Variants in DIP2C observed in about 807,000 individuals in gnomAD.
DIP2C encodes disco-interacting protein 2 homolog C.
DIP2C carries 33 observed loss-of-function variants against 192.4 expected under a neutral mutation model. The ratio of observed to expected loss-of-function variants is 0.17; its 90% confidence interval spans 0.13 to 0.23. DIP2C has a LOEUF of 0.23. Ranked by LOEUF, DIP2C falls within the 10% of genes least tolerant of loss-of-function variation. The pLI is 1.00. For synonymous variants in DIP2C, 979 were observed against 864.1 expected, an observed-to-expected ratio of 1.13 and a Z score of -2.33; for missense variants, 1,537 against 2,110.1, an observed-to-expected ratio of 0.73 and a Z score of 5.32.
At chr10:416,179 T>C (rs1965623584) in intron 6 of DIP2C, among the ~76,000 whole-genome samples, 1 of 152,052 alleles carries the variant, frequency 6.6e-6, no homozygotes, top group African/African-American at 2.4e-5. Flanking sequence ...CCAGCTCTGA[T>C]TCTCAGGACA....
intron 18 of DIP2C, 43 bp from the exon 19 acceptor site, chr10:366,454 G>A (rs749875998): frequency 2.5e-6 from 4 of 1,612,642 alleles, no homozygotes; most frequent in East Asian, 2.2e-5. Context: ...AGAGGGGGCA[G>A]GTGGGGAGAA....
At chr10:583,181 AAG>A (rs1850774254) in intron 1 of DIP2C, among the ~76,000 whole-genome samples, 1 of 152,344 alleles carries the variant, frequency 6.6e-6, no homozygotes, top group East Asian at 1.9e-4. Context: ...TCATAGGAAA[AAG>A]AACGTTGTAC....
intron 1 of DIP2C, among the ~76,000 whole-genome samples, chr10:594,393 C>T (rs1851576028): frequency 6.6e-6 from 1 of 151,964 alleles, no homozygotes; most frequent in Non-Finnish European, 1.5e-5. Flanking sequence ...TGGCCAAGTA[C>T]AAACCATTTC....
At chr10:378,497 A>G (rs530431345) in intron 17 of DIP2C, among the ~76,000 whole-genome samples, 23 of 152,080 alleles carry the variant, frequency 1.5e-4, no homozygotes, top group Non-Finnish European at 2.9e-4. Context: ...GTGAACACAG[A>G]CATGCATAAA....
At position 390,054 on chromosome 10, in the gene DIP2C, C is replaced by G. The variant is rs1564650428; in HGVS notation, c.1534G>C (p.Val512Leu). ...CKDGSVLGVTVTRTALLTHCQ... is the reference protein window; with the variant it reads ...CKDGSVLGVTLTRTALLTHCQ... The stretch of plus-strand genomic sequence containing the variant: ...TGTGTCAGCAGCGCAGTCCTCGTCA[C>G]CGTCACACCCAGCACACTGCCATCC... The change falls in exon 13 of 37, where the codon GTG becomes CTG. Residue 512 changes from valine (V) to leucine (L), a missense_variant. Transcript: ENST00000280886. 1.2e-6 allele frequency: 2 copies of G among 1,614,178 alleles called. No individual in the cohort carries two copies. The highest frequency in any genetic ancestry group is 1.1e-5 in the South Asian group (1 of 91,074).
intron 1 of DIP2C, among the ~76,000 whole-genome samples, chr10:493,629 T>C (rs1003955374): frequency 4.6e-5 from 7 of 152,132 alleles, no homozygotes; most frequent in Admixed American, 2.6e-4. Context: ...CGCTCCACCC[T>C]CCGCTTCCCG....
intron 32 of DIP2C, among the ~76,000 whole-genome samples, chr10:299,340 G>T (rs1322955420): frequency 6.6e-6 from 1 of 152,082 alleles, no homozygotes; most frequent in Non-Finnish European, 1.5e-5. Flanking sequence ...CTACAGCTCC[G>T]CCTTGAGTGC....
intron 1 of DIP2C, among the ~76,000 whole-genome samples, chr10:589,023 G>C (rs11253268): frequency 6.6e-6 from 1 of 152,104 alleles, no homozygotes; most frequent in African/African-American, 2.4e-5. Context: ...TCCATCAGCC[G>C]CTCCAGCAGG....
intron 1 of DIP2C, among the ~76,000 whole-genome samples, chr10:617,415 G>A (rs192305286): frequency 3.9e-5 from 6 of 152,300 alleles, no homozygotes; most frequent in Admixed American, 3.9e-4. Flanking sequence ...GGGTGGCTGT[G>A]GAGACTGAGA....
chr10:592,742 C>T (rs1450960542), intron 1 of DIP2C, among the ~76,000 whole-genome samples: 1 of 152,066 alleles, frequency 6.6e-6, no homozygotes, highest in South Asian at 2.1e-4. Context: ...TGAAATTTTT[C>T]CCAACTGTTC....
chr10:341,634 C>A (rs1167468189), intron 28 of DIP2C, among the ~76,000 whole-genome samples: 2 of 152,214 alleles, frequency 1.3e-5, no homozygotes, highest in Non-Finnish European at 2.9e-5. Flanking sequence ...GGACTTCATA[C>A]CCAAGGATAC....
chr10:537,142 G>A (rs1170416388), intron 1 of DIP2C, among the ~76,000 whole-genome samples: 3 of 152,140 alleles, frequency 2.0e-5, no homozygotes, highest in Admixed American at 2.0e-4. Flanking sequence ...GAGTGAGTTT[G>A]ACAACCTGAC....
intron 22 of DIP2C, 93 bp from the exon 23 acceptor site, chr10:358,030 A>C: frequency 1.2e-6 from 1 of 860,034 alleles, no homozygotes; most frequent in Non-Finnish European, 1.8e-6. Flanking sequence ...ACTCTCGGAA[A>C]ACTTCTGGAA....
At chr10:421,977 T>C (rs2133160639) in intron 5 of DIP2C, among the ~76,000 whole-genome samples, 2 of 152,310 alleles carry the variant, frequency 1.3e-5, no homozygotes, top group South Asian at 4.1e-4. Context: ...GTGAACATTC[T>C]GGGGTTCTGG....
intron 1 of DIP2C, among the ~76,000 whole-genome samples, chr10:495,401 C>T (rs546684122): frequency 1.0e-3 from 156 of 152,258 alleles, no homozygotes; most frequent in Non-Finnish European, 1.9e-3. Flanking sequence ...CTTCTGTATT[C>T]TCACCACACA....
intron 9 of DIP2C, among the ~76,000 whole-genome samples, chr10:406,714 G>C (rs977513676): frequency 3.9e-5 from 6 of 152,046 alleles, no homozygotes; most frequent in Non-Finnish European, 8.8e-5. Flanking sequence ...TAACAAATTA[G>C]CTACAAGATT....
intron 1 of DIP2C, among the ~76,000 whole-genome samples, chr10:686,718 G>C (rs1831352400): frequency 6.6e-6 from 1 of 152,244 alleles, no homozygotes; most frequent in African/African-American, 2.4e-5. Flanking sequence ...GGGGGCACAG[G>C]GCACGGGACA....
intron 1 of DIP2C, among the ~76,000 whole-genome samples, chr10:609,371 T>C (rs1031125977): frequency 1.1e-4 from 17 of 152,288 alleles, no homozygotes; most frequent in Admixed American, 1.1e-3. Context: ...AATAAAAGCA[T>C]CAAATAGATC....
intron 17 of DIP2C, among the ~76,000 whole-genome samples, chr10:377,152 T>C (rs900194828): frequency 6.6e-6 from 1 of 151,870 alleles, no homozygotes; most frequent in Non-Finnish European, 1.5e-5. Context: ...TTTTTTTTTT[T>C]TTTTTGCACT....
Sources: gnomAD v4.1 joint callset for allele counts (sites outside exome capture counted in the v4.1 genomes callset) on GRCh38, gnomAD v4.1.1 for gene constraint, MANE v1.5 for transcripts, NCBI Gene and HGNC (gene_info 2026-07-23, HGNC 2026-07-21) for gene names.